The following TSPYL4 variants were observed in gnomAD, a reference collection of about 807,000 sequenced individuals.
The protein encoded by TSPYL4 is testis-specific Y-encoded-like protein 4.
A neutral mutation model predicts 24.2 loss-of-function variants in TSPYL4; 22 were observed. That is an observed-to-expected ratio of 0.91 (90% CI 0.65 to 1.30). The LOEUF is 1.30. TSPYL4 is among the 50% of genes most tolerant of loss of function. The pLI, the probability that TSPYL4 is intolerant of heterozygous loss-of-function variation, is 0.00. For synonymous variants in TSPYL4, 211 were observed against 208.2 expected, an observed-to-expected ratio of 1.01 and a Z score of -0.12; for missense variants, 569 against 536.7, an observed-to-expected ratio of 1.06 and a Z score of -0.60.
rs538039455 is a variant in TSPYL4 at position 116,252,707 on chromosome 6, T to C, written c.*57A>G. 7.5e-4 allele frequency: 1,112 copies of C among 1,483,780 alleles called. No homozygotes were observed. The highest frequency in any genetic ancestry group is 9.3e-4 in the Non-Finnish European group (1,039 of 1,115,064). The allele number at this position is 1,483,780 out of a possible 1,614,324, so 91.9% of individuals were successfully genotyped here. ...AAGACTGCATGCTGTTGGCCAAGCA[T>C]AGGTCCAAGAGGAGGTGGTAAGGAA... On this transcript the variant is annotated 3_prime_UTR_variant, in exon 1 of 1. Transcript: ENST00000420283.
chr6:116,250,307 A>G lies in TSPYL4; in HGVS notation c.*2457T>C, dbSNP rs1012340417. On this transcript the variant is annotated 3_prime_UTR_variant, in exon 1 of 1. Transcript: ENST00000420283. Reference sequence around the variant, plus strand: ...AGAGAGCAAAACAAGCTAATACATTAATGAATATTCACTGAATTCTTCATA... The same window carrying G: ...AGAGAGCAAAACAAGCTAATACATTGATGAATATTCACTGAATTCTTCATA... 5 of 152,658 alleles carry G rather than the reference A, an allele frequency of 3.3e-5. No homozygotes were observed. The highest frequency in any genetic ancestry group is 7.3e-5 in the Non-Finnish European group (5 of 68,032). The allele number at this position is 152,658 out of a possible 1,614,324, so 9.5% of individuals were successfully genotyped here.
Position 116,253,006 on chromosome 6 carries a change from C to A in TSPYL4, c.1003G>T (p.Gly335Cys). Residue 335 changes from glycine to cysteine, a missense_variant, in exon 1 of 1, where the codon GGC becomes TGC. Physicochemically the swap from Gly to Cys is radical, Grantham distance 159 (BLOSUM62 -3). Transcript: ENST00000420283. This position sits in a 1 kb window ranked among gnomAD's most constrained non-coding sequence, Gnocchi z 4.3. The part of the protein sequence containing the change: ...SLSTPIRWHR[G>C]QDPQAHIHRN... The stretch of plus-strand genomic sequence containing the variant: ...TGGATATGAGCCTGGGGGTCTTGGC[C>A]TCGGTGCCAGCGGATTGGAGTGGAA... The A allele has an allele frequency of 6.2e-7, 1 of 1,614,136 alleles. No individual in the cohort carries two copies. The highest frequency in any genetic ancestry group is 8.5e-7 in the Non-Finnish European group (1 of 1,180,034).
Position 116,254,037 on chromosome 6 carries a change from G to A in TSPYL4, c.-29C>T. ...GGAAGAAGTCAGACTAGTGGGAGAGGGAGAGTTCCTTGTCCTCCGCAGCGG... is the reference window on the plus strand; with the variant it reads ...GGAAGAAGTCAGACTAGTGGGAGAGAGAGAGTTCCTTGTCCTCCGCAGCGG... On this transcript the variant is annotated 5_prime_UTR_variant, in exon 1 of 1. Transcript: ENST00000420283. 6.5e-7 allele frequency: 1 copy of A among 1,539,174 alleles called. No individual in the cohort carries two copies. The highest frequency in any genetic ancestry group is 1.3e-5 in the South Asian group (1 of 79,592).
chr6:116,252,614 G>A lies in TSPYL4; in HGVS notation c.*150C>T, dbSNP rs1771970634. ...CACAGGCAGGTAAGCCAACAATCTT[G>A]CAACCGATTACTGAAGATTTAGAAC... On this transcript the variant is annotated 3_prime_UTR_variant, in exon 1 of 1. Coordinates refer to ENST00000420283, the MANE Select transcript of TSPYL4 (RefSeq NM_021648.5). 2.0e-6 allele frequency: 2 copies of A among 1,002,890 alleles called. No homozygotes were observed. Among genetic ancestry groups the A allele is most frequent in the Admixed American group, 5.8e-5 (2 of 34,290 alleles). The allele number at this position is 1,002,890 out of a possible 1,614,324, so 62.1% of individuals were successfully genotyped here.
chr6:116,253,872 A>G lies in TSPYL4; in HGVS notation c.137T>C (p.Met46Thr), dbSNP rs1772028847. 5 of 1,613,836 alleles carry G rather than the reference A, an allele frequency of 3.1e-6. No individual in the cohort carries two copies. Among genetic ancestry groups the G allele is most frequent in the Non-Finnish European group, 4.2e-6 (5 of 1,179,852 alleles). ...LREETEATQV[M>T]ANTGGGSLET... ...CAGGCTGCCCCCACCTGTGTTCGCC[A>G]TCACCTGTGTCGCCTCGGTTTCTTC... Residue 46 changes from methionine to threonine, a missense_variant, in exon 1 of 1, where the codon ATG becomes ACG. By Grantham distance (81) the Met-to-Thr change is moderately conservative. Coordinates refer to ENST00000420283, the MANE Select transcript of TSPYL4 (RefSeq NM_021648.5). The surrounding 1 kb of genome is among the most constrained non-coding windows in gnomAD (Gnocchi z 4.3).
rs1249840660 is a variant in TSPYL4 at position 116,253,603 on chromosome 6, C to T, written c.406G>A (p.Ala136Thr). 2 of 1,552,906 alleles carry T rather than the reference C, an allele frequency of 1.3e-6. No homozygotes were observed. The highest frequency in any genetic ancestry group is 2.4e-5 in the East Asian group (1 of 41,028). Residue 136 changes from alanine (A) to threonine (T), a missense_variant, in exon 1 of 1, where the codon GCA (alanine) becomes ACA (threonine). Physicochemically the swap from Ala to Thr is moderately conservative, Grantham distance 58 (BLOSUM62 0). Transcript: ENST00000420283. The surrounding 1 kb of genome is among the most constrained non-coding windows in gnomAD (Gnocchi z 4.3). ...AGQKALEACG[A>T]GGLGSQMIPG... ...ATCATCTGAGACCCCAAGCCCCCTG[C>T]GCCACAGGCTTCTAGAGCCTTCTGC...
rs368631043 is a variant in TSPYL4, at chr6:116,252,998, G to T, written c.1011C>A (p.Asp337Glu). 1.6e-5 allele frequency: 26 copies of T among 1,614,098 alleles called. No homozygotes were observed. The highest frequency in any genetic ancestry group is 1.1e-4 in the African/African-American group (8 of 74,940). Reference protein sequence around the residue: ...STPIRWHRGQDPQAHIHRNRE... With the variant: ...STPIRWHRGQEPQAHIHRNRE... The stretch of plus-strand genomic sequence containing the variant: ...GGTTTCTGTGGATATGAGCCTGGGG[G>T]TCTTGGCCTCGGTGCCAGCGGATTG... The change falls in exon 1 of 1, where the codon GAC becomes GAA. Residue 337 changes from aspartate (D) to glutamate (E), a missense_variant. Transcript: ENST00000420283.
rs1305932003 is a variant in TSPYL4 at position 116,250,119 on chromosome 6, T to C, written c.*2645A>G. 1 of 152,236 alleles carries C rather than the reference T, an allele frequency of 6.6e-6. No individual in the cohort carries two copies. Among genetic ancestry groups the C allele is most frequent in the Non-Finnish European group, 1.5e-5 (1 of 68,038 alleles). 9.4% of individuals were successfully genotyped at this position (152,236 alleles called of 1,614,324 possible). A position where few individuals can be genotyped will look rare whatever the true frequency, so the allele number is the denominator to read the frequency against. On this transcript the variant is annotated 3_prime_UTR_variant, in exon 1 of 1. Transcript: ENST00000420283. ...TACTTACACTGCTTAGGAACATAAA[T>C]GTCAAGTACATTACTAGGGCAAGAA...
chr6:116,253,906 C>CT lies in TSPYL4; in HGVS notation c.102dup (p.Gly35ArgfsTer4), dbSNP rs749890763. The CT allele has an allele frequency of 6.2e-7, 1 of 1,613,854 alleles. No homozygotes were observed. The highest frequency in any genetic ancestry group is 8.5e-7 in the Non-Finnish European group (1 of 1,179,844). On this transcript the variant is annotated frameshift_variant, in exon 1 of 1. Coordinates refer to ENST00000420283, the MANE Select transcript of TSPYL4 (RefSeq NM_021648.5). LOFTEE classifies it low-confidence loss of function (END_TRUNC). The surrounding 1 kb of genome is among the most constrained non-coding windows in gnomAD (Gnocchi z 4.3). ...GTCGCCTCGGTTTCTTCACGGAGCCCTTGGCACTGGTCTCGGTCCGGATCT... is the reference window on the plus strand; with the variant it reads ...GTCGCCTCGGTTTCTTCACGGAGCCCTTTGGCACTGGTCTCGGTCCGGATCT...
rs939462856 is a variant in TSPYL4 at position 116,253,505 on chromosome 6, T to C, written c.504A>G (p.Glu168=). 5.4e-5 allele frequency: 84 copies of C among 1,551,698 alleles called. No homozygotes were observed. Among genetic ancestry groups the C allele is most frequent in the Non-Finnish European group, 7.1e-5 (81 of 1,147,024 alleles). The change falls in exon 1 of 1, where the codon GAA becomes GAG. Residue 168 remains glutamate, a synonymous_variant. Transcript: ENST00000420283. The surrounding 1 kb of genome is among the most constrained non-coding windows in gnomAD (Gnocchi z 4.3). The part of the protein sequence containing the change: ...AISAAVEKEG[E]AGAAMEEKKV... ...TCTTTTCCTCCATCGCCGCCCCTGCTTCTCCCTCCTTTTCCACTGCTGCCG... is the reference window on the plus strand; with the variant it reads ...TCTTTTCCTCCATCGCCGCCCCTGCCTCTCCCTCCTTTTCCACTGCTGCCG...
chr6:116,251,377 A>G lies in TSPYL4; in HGVS notation c.*1387T>C. ...GAATGGATGGGGTAAAAAGATAAAT[A>G]TGTCAAAATCTGCCTAATTTAACAC... On this transcript the variant is annotated 3_prime_UTR_variant, in exon 1 of 1. Transcript: ENST00000420283. The G allele has an allele frequency of 2.5e-6, 1 of 396,802 alleles. No individual in the cohort carries two copies. The highest frequency in any genetic ancestry group is 4.4e-6 in the Non-Finnish European group (1 of 225,204). 24.6% of individuals were successfully genotyped at this position (396,802 alleles called of 1,614,324 possible).
rs1771945493 is a variant in TSPYL4, at chr6:116,251,190, T to A, written c.*1574A>T. On this transcript the variant is annotated 3_prime_UTR_variant, in exon 1 of 1. Coordinates refer to ENST00000420283, the MANE Select transcript of TSPYL4 (RefSeq NM_021648.5). Reference sequence around the variant, plus strand: ...AAGCAGTCCAAGGCCCAAAAAAGAATTTCCATCTTTAGAAAAGTGGAGTGA... The same window carrying A: ...AAGCAGTCCAAGGCCCAAAAAAGAAATTCCATCTTTAGAAAAGTGGAGTGA... The A allele has an allele frequency of 5.0e-6, 2 of 398,674 alleles. No homozygotes were observed. The highest frequency in any genetic ancestry group is 4.4e-5 in the Admixed American group (1 of 22,730). 24.7% of individuals were successfully genotyped at this position (398,674 alleles called of 1,614,324 possible).
chr6:116,252,633 T>C lies in TSPYL4; in HGVS notation c.*131A>G. 8.3e-7 allele frequency: 1 copy of C among 1,203,836 alleles called. No homozygotes were observed. Among genetic ancestry groups the C allele is most frequent in the Non-Finnish European group, 1.1e-6 (1 of 885,216 alleles). The allele number at this position is 1,203,836 out of a possible 1,614,324, so 74.6% of individuals were successfully genotyped here. A position where few individuals can be genotyped will look rare whatever the true frequency, so the allele number is the denominator to read the frequency against. On this transcript the variant is annotated 3_prime_UTR_variant, in exon 1 of 1. Transcript: ENST00000420283. ...AATCTTGCAACCGATTACTGAAGAT[T>C]TAGAACCAAAGGAAAAGATAATCCA... is the stretch of plus-strand genomic sequence containing the variant.
Position 116,253,941 on chromosome 6 carries a change from T to C in TSPYL4, c.68A>G (p.His23Arg), listed in dbSNP as rs2114579341. 6.2e-7 allele frequency: 1 copy of C among 1,611,196 alleles called. No homozygotes were observed. Among genetic ancestry groups the C allele is most frequent in the Non-Finnish European group, 8.5e-7 (1 of 1,178,640 alleles). ...GTCTCGGTCCGGATCTCCTGAGGCA[T>C]GGTCGGGAGCAGCCAGGCCGCCGGT... ...AQTGGLAAPD[H>R]ASGDPDRDQC... The change falls in exon 1 of 1, where the codon CAT (histidine) becomes CGT (arginine). Residue 23 changes from histidine (H) to arginine (R), a missense_variant. Physicochemically the swap from His to Arg is conservative, Grantham distance 29 (BLOSUM62 0). Transcript: ENST00000420283. This position sits in a 1 kb window ranked among gnomAD's most constrained non-coding sequence, Gnocchi z 4.3.
Position 116,252,875 on chromosome 6 carries a change from CCA to C in TSPYL4, c.1132_1133del (p.Trp378AlafsTer11). On this transcript the variant is annotated frameshift_variant, in exon 1 of 1. Coordinates refer to ENST00000420283, the MANE Select transcript of TSPYL4 (RefSeq NM_021648.5). LOFTEE classifies it high-confidence loss of function. Reference sequence around the variant, plus strand: ...TCAGGTAGTATTGTAGGGGATTGGGCCACAGTTCTCCTTTGATAATCTCTGCA... The same window carrying C: ...TCAGGTAGTATTGTAGGGGATTGGGCCAGTTCTCCTTTGATAATCTCTGCA... ...RIAEIIKGEL[W>X]PNPLQYYLMG... The C allele has an allele frequency of 6.2e-7, 1 of 1,604,880 alleles. No individual in the cohort carries two copies. The highest frequency in any genetic ancestry group is 8.5e-7 in the Non-Finnish European group (1 of 1,175,186).
At position 116,253,829 on chromosome 6, in the gene TSPYL4, C is replaced by T. The variant is rs1459897193; in HGVS notation, c.180G>A (p.Gly60=). 4.3e-6 allele frequency: 7 copies of T among 1,611,560 alleles called. No individual in the cohort carries two copies. In the East Asian group the frequency reaches 1.3e-4, roughly 31 times the overall value. Residue 60 remains glycine, a synonymous_variant, in exon 1 of 1, where the codon GGG becomes GGA. Transcript: ENST00000420283. The surrounding 1 kb of genome is among the most constrained non-coding windows in gnomAD (Gnocchi z 4.3). ...AGTCGACAGGATCCTGGGATGCACC[C>T]CCCTCCGCAACGGTCTCCAGGCTGC... ...GGGSLETVAE[G]GASQDPVDCG... is the part of the protein sequence containing the mutation.
At position 116,253,210 on chromosome 6, in the gene TSPYL4, T is replaced by C. The variant is rs939811291; in HGVS notation, c.799A>G (p.Met267Val). 3 of 1,614,010 alleles carry C rather than the reference T, an allele frequency of 1.9e-6. No individual in the cohort carries two copies. Among genetic ancestry groups the C allele is most frequent in the East Asian group, 2.2e-5 (1 of 44,872 alleles). The stretch of plus-strand genomic sequence containing the variant: ...ATGTCTTCATCTTGGCCACTGATCA[T>C]AGGTGACAGCTGGGGGTGGTTTCGA... ...AFRNHPQLSPMISGQDEDMLR... is the reference protein window; with the variant it reads ...AFRNHPQLSPVISGQDEDMLR... The change falls in exon 1 of 1, where the codon ATG becomes GTG. Residue 267 changes from methionine to valine, a missense_variant. Coordinates refer to ENST00000420283, the MANE Select transcript of TSPYL4 (RefSeq NM_021648.5). The surrounding 1 kb of genome is among the most constrained non-coding windows in gnomAD (Gnocchi z 4.3).
In TSPYL4 at chr6:116,253,612, C is replaced by T. The variant is rs890860417; in HGVS notation, c.397G>A (p.Ala133Thr). The T allele has an allele frequency of 9.7e-6, 15 of 1,552,914 alleles. No individual in the cohort carries two copies. The highest frequency in any genetic ancestry group is 1.2e-5 in the Non-Finnish European group (14 of 1,147,428). Residue 133 changes from alanine (A) to threonine (T), a missense_variant, in exon 1 of 1, where the codon GCC becomes ACC. By Grantham distance (58) the Ala-to-Thr change is moderately conservative. Transcript: ENST00000420283. The surrounding 1 kb of genome is among the most constrained non-coding windows in gnomAD (Gnocchi z 4.3). ...RGPAGQKALE[A>T]CGAGGLGSQM... is the part of the protein sequence containing the mutation. ...GACCCCAAGCCCCCTGCGCCACAGG[C>T]TTCTAGAGCCTTCTGCCCAGCAGGG...
At position 116,252,668 on chromosome 6, in the gene TSPYL4, G is replaced by A. The variant is rs1293475247; in HGVS notation, c.*96C>T. On this transcript the variant is annotated 3_prime_UTR_variant, in exon 1 of 1. Coordinates refer to ENST00000420283, the MANE Select transcript of TSPYL4 (RefSeq NM_021648.5). ...AGGAAAAGATAATCCACAGTATGAA[G>A]AGAAAGCAGATGGAAGACTGCATGC... The A allele has an allele frequency of 1.7e-5, 23 of 1,363,006 alleles. No individual in the cohort carries two copies. The highest frequency in any genetic ancestry group is 2.2e-5 in the Non-Finnish European group (22 of 1,019,662). The allele number at this position is 1,363,006 out of a possible 1,614,324, so 84.4% of individuals were successfully genotyped here. A position where few individuals can be genotyped will look rare whatever the true frequency, so the allele number is the denominator to read the frequency against.
Sources: allele counts gnomAD v4.1 joint callset, GRCh38; gene constraint gnomAD v4.1.1; non-coding constraint Gnocchi (gnomAD v3.1); transcripts MANE v1.5; gene names NCBI Gene and HGNC (gene_info 2026-07-23, HGNC 2026-07-21).